AFG2A: variants seen among roughly 807,000 people sequenced by gnomAD.
AFG2A encodes ATPase family gene 2 protein homolog A.
chr4:123,115,239 C>T, the AFG2A span, among the ~76,000 whole-genome samples: 1 of 152,030 alleles, frequency 6.6e-6, no homozygotes, highest in African/African-American at 2.4e-5. Context: ...TGAGACCCTG[C>T]CGGGGGGCAC....
the AFG2A span, among the ~76,000 whole-genome samples, chr4:123,215,238 A>G: frequency 6.6e-6 from 1 of 152,096 alleles, no homozygotes; most frequent in African/African-American, 2.4e-5. Context: ...GACAAAATTG[A>G]CATAACAGAT....
chr4:123,244,205 G>T, the AFG2A span, among the ~76,000 whole-genome samples: 7 of 152,162 alleles, frequency 4.6e-5, no homozygotes, highest in Non-Finnish European at 8.8e-5. Flanking sequence ...AATGGGCTGG[G>T]ACCAGCCTGG....
the AFG2A span, among the ~76,000 whole-genome samples, chr4:123,219,040 G>A: frequency 6.6e-6 from 1 of 152,204 alleles, no homozygotes; most frequent in Non-Finnish European, 1.5e-5. Context: ...ACACTGTGAA[G>A]TCCCATGATA....
chr4:123,058,533 G>C, the AFG2A span, among the ~76,000 whole-genome samples: 1 of 152,216 alleles, frequency 6.6e-6, no homozygotes, highest in African/African-American at 2.4e-5. Context: ...GCTGAGGCAG[G>C]AGAATTGCTT....
chr4:123,259,712 C>G, the AFG2A span, among the ~76,000 whole-genome samples: 1 of 151,934 alleles, frequency 6.6e-6, no homozygotes. Flanking sequence ...TCAAATTATC[C>G]TGGTTACTTT....
the AFG2A span, among the ~76,000 whole-genome samples, chr4:123,034,510 T>G: frequency 7.1e-6 from 1 of 141,514 alleles, no homozygotes; most frequent in Non-Finnish European, 1.5e-5. Context: ...ACCAAGACAG[T>G]ACCCAAGGAA....
At chr4:123,003,197 T>C in the AFG2A span, among the ~76,000 whole-genome samples, 2 of 152,214 alleles carry the variant, frequency 1.3e-5, no homozygotes, top group African/African-American at 4.8e-5. Flanking sequence ...ATTCTAGTTA[T>C]ACATTCGTCT....
At chr4:123,087,787 A>G in the AFG2A span, among the ~76,000 whole-genome samples, 1 of 151,986 alleles carries the variant, frequency 6.6e-6, no homozygotes, top group Non-Finnish European at 1.5e-5. Context: ...CTGTCTCTCC[A>G]ATTTTGGGGG....
chr4:122,953,645 G>A, the AFG2A span, among the ~76,000 whole-genome samples: 6 of 152,200 alleles, frequency 3.9e-5, no homozygotes, highest in African/African-American at 9.7e-5. Flanking sequence ...CACTCTTCTG[G>A]TGTGAGCTTC....
chr4:123,114,976 T>C, the AFG2A span, among the ~76,000 whole-genome samples: 1 of 152,138 alleles, frequency 6.6e-6, no homozygotes, highest in Non-Finnish European at 1.5e-5. Flanking sequence ...GCTCCGAACT[T>C]AGTAGCAGGT....
the AFG2A span, among the ~76,000 whole-genome samples, chr4:123,228,428 A>G: frequency 0.014 from 2,100 of 151,162 alleles, 51 homozygotes; most frequent in African/African-American, 0.048. Flanking sequence ...CAACTGGAGA[A>G]AAAAAAAAGA....
the AFG2A span, among the ~76,000 whole-genome samples, chr4:122,987,621 A>G: frequency 6.6e-6 from 1 of 151,930 alleles, no homozygotes; most frequent in Non-Finnish European, 1.5e-5. Flanking sequence ...TGAGGCTTAC[A>G]TAAAACACCT....
the AFG2A span, among the ~76,000 whole-genome samples, chr4:122,925,317 C>T: frequency 6.6e-6 from 1 of 152,188 alleles, no homozygotes; most frequent in African/African-American, 2.4e-5. Context: ...TCCAATTTTG[C>T]CCCTTATTCC....
At chr4:123,067,337 C>T in the AFG2A span, among the ~76,000 whole-genome samples, 124,024 of 151,738 alleles carry the variant, frequency 0.82, 52,308 homozygotes, top group East Asian at 0.97. Flanking sequence ...GCCAGCATGG[C>T]GAAACCCCAT....
chr4:123,051,458 A>C, the AFG2A span, among the ~76,000 whole-genome samples: 1 of 152,038 alleles, frequency 6.6e-6, no homozygotes, highest in Non-Finnish European at 1.5e-5. Context: ...GCCTCTTAAC[A>C]AATTGTACTT....
At chr4:123,137,211 T>A in the AFG2A span, among the ~76,000 whole-genome samples, 1 of 152,188 alleles carries the variant, frequency 6.6e-6, no homozygotes, top group Non-Finnish European at 1.5e-5. Flanking sequence ...CTGGTACTGA[T>A]CCACAACCCG....
the AFG2A span, among the ~76,000 whole-genome samples, chr4:122,960,507 T>G: frequency 6.6e-5 from 10 of 152,202 alleles, no homozygotes; most frequent in African/African-American, 2.4e-4. Flanking sequence ...ACTTAGTCAT[T>G]TTGTTTATGG....
At chr4:123,231,852 A>G in the AFG2A span, among the ~76,000 whole-genome samples, 1 of 151,902 alleles carries the variant, frequency 6.6e-6, no homozygotes, top group Admixed American at 6.6e-5. Context: ...GCAGGGAACA[A>G]CCAGTTGGTG....
the AFG2A span, among the ~76,000 whole-genome samples, chr4:122,977,161 C>CA: frequency 4.6e-5 from 7 of 152,126 alleles, no homozygotes; most frequent in African/African-American, 1.2e-4. Flanking sequence ...GTCACTTTTC[C>CA]AGCCAGAAAC....
Sources: allele counts gnomAD v4.1 joint callset (sites outside exome capture counted in the v4.1 genomes callset), GRCh38; gene constraint gnomAD v4.1.1; transcripts MANE v1.5; gene names NCBI Gene and HGNC (gene_info 2026-07-23, HGNC 2026-07-21).